LDB3: variants seen among roughly 807,000 people sequenced by gnomAD.
LDB3 encodes LIM domain-binding protein 3.
In LDB3, 49 loss-of-function variants were observed where a neutral mutation model predicts 69.0. The ratio of observed to expected loss-of-function variants is 0.71; its 90% confidence interval spans 0.56 to 0.90. The LOEUF (loss-of-function observed/expected upper bound fraction) is 0.90. Ranked by LOEUF, LDB3 falls within the 40% of genes least tolerant of loss-of-function variation. The probability of loss-of-function intolerance (pLI) is 0.00; values close to 1 mark genes in which losing one functional copy is unlikely to be tolerated. For synonymous variants in LDB3, 387 were observed against 396.2 expected, an observed-to-expected ratio of 0.98 and a Z score of 0.28; for missense variants, 928 against 974.1, an observed-to-expected ratio of 0.95 and a Z score of 0.63.
chr10:86,685,902 C>T (rs1845442394), intron 5 of LDB3, among the ~76,000 whole-genome samples: 1 of 152,064 alleles, frequency 6.6e-6, no homozygotes, highest in Non-Finnish European at 1.5e-5. Context: ...GTGGGGGCTC[C>T]ATCCGATGGT....
In LDB3 at chr10:86,699,592, G is replaced by A. The variant is rs2132442548; in HGVS notation, c.897-6939G>A. The A allele has an allele frequency of 4.3e-6, 6 of 1,409,894 alleles. No individual in the cohort carries two copies. In the South Asian group the frequency reaches 7.4e-5, roughly 17 times the overall value. The allele number at this position is 1,409,894 out of a possible 1,614,324, so 87.3% of individuals were successfully genotyped here. ...GCTCTGTACCCACCAAACCTCCCCA[G>A]GGCAACCCTCGCCACCCCCCAAATA... On this transcript the variant is annotated intron_variant, in intron 7 of 13. Transcript: ENST00000361373. This position sits in a 1 kb window ranked among gnomAD's most constrained non-coding sequence, Gnocchi z 4.9.
intron 5 of LDB3, among the ~76,000 whole-genome samples, chr10:86,689,622 A>C (rs920782847): frequency 6.6e-6 from 1 of 151,994 alleles, no homozygotes; most frequent in Non-Finnish European, 1.5e-5. Context: ...GTAGACCCAG[A>C]CATTAGAATG....
chr10:86,681,678 C>T lies in LDB3; in HGVS notation c.564C>T (p.Gly188=), dbSNP rs753281302. The T allele has an allele frequency of 1.5e-5, 25 of 1,613,308 alleles. No homozygotes were observed. The highest frequency in any genetic ancestry group is 1.9e-5 in the Non-Finnish European group (23 of 1,179,924). ...RDLLGPKALP[G]SSQPRQYNNP... Reference sequence around the variant, plus strand: ...TACTCGGCCCAAAAGCCCTGCCGGGCTCGAGCCAGCCGAGGCAATATAACA... The same window carrying T: ...TACTCGGCCCAAAAGCCCTGCCGGGTTCGAGCCAGCCGAGGCAATATAACA... Residue 188 remains glycine, a synonymous_variant, in exon 5 of 14, where the codon GGC becomes GGT. Coordinates refer to ENST00000361373, the MANE Select transcript of LDB3 (RefSeq NM_007078.3).
rs768815635 is a variant in LDB3 at position 86,728,400 on chromosome 10, G to A, written c.2094+2148G>A. ...TCCAAGAGAGAGACCAGAAGAAGGC[G>A]TAAAGCTTGGGGTGGCTAAGGCTGA... On this transcript the variant is annotated intron_variant, in intron 13 of 13. Transcript: ENST00000361373. Among the ~76,000 whole-genome samples the A allele has an allele frequency of 5.3e-4, 81 of 152,292 alleles. 1 individual carries two copies. Among genetic ancestry groups the A allele is most frequent in the South Asian group, 4.1e-4 (2 of 4,826 alleles).
At chr10:86,698,725 ATCT>A (rs1278843527) in intron 7 of LDB3, among the ~76,000 whole-genome samples, 4 of 151,866 alleles carry the variant, frequency 2.6e-5, no homozygotes, top group Non-Finnish European at 4.4e-5. Flanking sequence ...TGTGTGCAAA[ATCT>A]TCTCTCTGGG....
At chr10:86,681,996 C>T (rs1352718630) in intron 5 of LDB3, among the ~76,000 whole-genome samples, 193 bp downstream of exon 5, 3 of 152,336 alleles carry the variant, frequency 2.0e-5, no homozygotes, top group East Asian at 1.9e-4. Flanking sequence ...CAACCAACCA[C>T]GCTGGGGTGA....
chr10:86,693,178 A>G (rs1352074736), intron 7 of LDB3, among the ~76,000 whole-genome samples: 1 of 152,134 alleles, frequency 6.6e-6, no homozygotes, highest in Non-Finnish European at 1.5e-5. Context: ...GTCTGAGGCC[A>G]CAGCCACCAA....
chr10:86,669,750 C>G (rs1017327888), intron 2 of LDB3, among the ~76,000 whole-genome samples: 2 of 152,248 alleles, frequency 1.3e-5, no homozygotes, highest in Non-Finnish European at 2.9e-5. Flanking sequence ...GGTGGCTGAG[C>G]CCCTGACCGT....
chr10:86,669,690 C>T (rs1415177157), intron 2 of LDB3, among the ~76,000 whole-genome samples: 1 of 152,252 alleles, frequency 6.6e-6, no homozygotes, highest in Non-Finnish European at 1.5e-5. Context: ...CTGAAGGCCC[C>T]AAGGCTCAGG....
At chr10:86,697,712 C>G (rs1351401248) in intron 7 of LDB3, among the ~76,000 whole-genome samples, 1 of 151,478 alleles carries the variant, frequency 6.6e-6, no homozygotes, top group African/African-American at 2.4e-5. Context: ...TGCCATCACA[C>G]CTGGCTAACT....
Position 86,699,718 on chromosome 10 carries a change from G to A in LDB3, c.897-6813G>A. On this transcript the variant is annotated intron_variant, in intron 7 of 13. Coordinates refer to ENST00000361373, the MANE Select transcript of LDB3 (RefSeq NM_007078.3). This position sits in a 1 kb window ranked among gnomAD's most constrained non-coding sequence, Gnocchi z 4.9. ...ATAACACCCCAGAACCAAGGGAAAT[G>A]GATGGGCCGCTGCTCAGTTTCCCAC... 8.7e-7 allele frequency: 1 copy of A among 1,151,478 alleles called. No individual in the cohort carries two copies. 71.3% of individuals were successfully genotyped at this position (1,151,478 alleles called of 1,614,324 possible).
chr10:86,697,113 C>A (rs560020254), intron 7 of LDB3, among the ~76,000 whole-genome samples: 1 of 152,266 alleles, frequency 6.6e-6, no homozygotes, highest in South Asian at 2.1e-4. Flanking sequence ...GGGGGCCAGC[C>A]CCGATGACTG....
intron 9 of LDB3, among the ~76,000 whole-genome samples, chr10:86,713,322 C>T (rs1564655662): frequency 6.6e-6 from 1 of 152,092 alleles, no homozygotes; most frequent in Non-Finnish European, 1.5e-5. Flanking sequence ...CTTCGACTCA[C>T]TGCAACCTCC....
At chr10:86,722,215 C>T (rs1225459442) in intron 12 of LDB3, among the ~76,000 whole-genome samples, 2 of 152,232 alleles carry the variant, frequency 1.3e-5, no homozygotes, top group Non-Finnish European at 2.9e-5. Flanking sequence ...AAAAATGAAT[C>T]AGTGGGCAAG....
intron 2 of LDB3, among the ~76,000 whole-genome samples, chr10:86,674,066 C>T (rs569880933): frequency 6.6e-6 from 1 of 152,158 alleles, no homozygotes; most frequent in Non-Finnish European, 1.5e-5. Flanking sequence ...AGGGCTGGCT[C>T]CTCAAGCTCC....
chr10:86,670,978 C>T (rs1043137578), intron 2 of LDB3, among the ~76,000 whole-genome samples: 7 of 152,208 alleles, frequency 4.6e-5, no homozygotes, highest in Admixed American at 1.3e-4. Flanking sequence ...GATTTACTGC[C>T]GGGGCTCGCA....
chr10:86,699,293 G>C lies in LDB3; in HGVS notation c.896+6722G>C. The C allele has an allele frequency of 6.2e-7, 1 of 1,611,962 alleles. No homozygotes were observed. Among genetic ancestry groups the C allele is most frequent in the Non-Finnish European group, 8.5e-7 (1 of 1,179,066 alleles). On this transcript the variant is annotated intron_variant, in intron 7 of 13. Coordinates refer to ENST00000361373, the MANE Select transcript of LDB3 (RefSeq NM_007078.3). This position sits in a 1 kb window ranked among gnomAD's most constrained non-coding sequence, Gnocchi z 4.9. ...TGTGCCACAGGGAAAGGTTTGAAAC[G>C]GAACGTAACAGCCCACGTTTTGCCA...
chr10:86,693,119 G>A (rs1309354181), intron 7 of LDB3, among the ~76,000 whole-genome samples: 1 of 152,192 alleles, frequency 6.6e-6, no homozygotes, highest in African/African-American at 2.4e-5. Context: ...ATGAGGATGG[G>A]TTTGTGCCAA....
At chr10:86,669,827 G>T (rs1248867946) in intron 2 of LDB3, among the ~76,000 whole-genome samples, 1 of 152,242 alleles carries the variant, frequency 6.6e-6, no homozygotes, top group Admixed American at 6.5e-5. Flanking sequence ...TAGGTAGGCA[G>T]GGGTATCTGG....
Sources: allele counts gnomAD v4.1 joint callset (sites outside exome capture counted in the v4.1 genomes callset), GRCh38; gene constraint gnomAD v4.1.1; non-coding constraint Gnocchi (gnomAD v3.1); transcripts MANE v1.5; gene names NCBI Gene and HGNC (gene_info 2026-07-23, HGNC 2026-07-21).